YWHAE: variants seen among roughly 807,000 people sequenced by gnomAD.
YWHAE encodes the protein 14-3-3 protein epsilon.
In YWHAE, 4 loss-of-function variants were observed where a neutral mutation model predicts 30.1. That is an observed-to-expected ratio of 0.13 (90% CI 0.07 to 0.30). The LOEUF (loss-of-function observed/expected upper bound fraction) is 0.30, where lower values mean the gene tolerates loss of function less well. YWHAE is among the 10% of genes least tolerant of loss of function. The probability of loss-of-function intolerance (pLI) is 1.00; values close to 1 mark genes in which losing one functional copy is unlikely to be tolerated. For missense variants in YWHAE, 121 were observed against 315.9 expected, an observed-to-expected ratio of 0.38 and a Z score of 4.68; for synonymous variants, 118 against 111.8, an observed-to-expected ratio of 1.06 and a Z score of -0.35.
rs1252238889 is a variant in YWHAE, at chr17:1,382,182, G to A, written c.65-17124C>T. On this transcript the variant is annotated intron_variant, in intron 1 of 5. Coordinates refer to ENST00000264335, the MANE Select transcript of YWHAE (RefSeq NM_006761.5). ...TCCTGCCTCAGCCTCCCATGTAACT[G>A]GGACTTCAGGCGCCCACCACCATGC... is the stretch of plus-strand genomic sequence containing the variant. Among the ~76,000 whole-genome samples, 6 of 151,360 alleles carry A rather than the reference G, an allele frequency of 4.0e-5. No individual in the cohort carries two copies. The East Asian group carries it at 1.2e-3, about 29-fold the overall frequency.
intron 3 of YWHAE, 52 bp downstream of exon 3, chr17:1,361,850 C>T: frequency 7.8e-7 from 1 of 1,290,312 alleles, no homozygotes; most frequent in Non-Finnish European, 1.1e-6. Flanking sequence ...AGTTATGGTT[C>T]TAAAAGGACC....
chr17:1,399,001 G>T (rs755220669), intron 1 of YWHAE: 1 of 152,190 alleles, frequency 6.6e-6, no homozygotes, highest in Non-Finnish European at 1.5e-5. Flanking sequence ...ACGAAGTACA[G>T]ACCAGCATTC....
At chr17:1,379,614 G>T (rs973086549) in intron 1 of YWHAE, among the ~76,000 whole-genome samples, 2 of 152,222 alleles carry the variant, frequency 1.3e-5, no homozygotes, top group Non-Finnish European at 2.9e-5. Context: ...TCTGTAGCTT[G>T]AGGAGTCTTA....
chr17:1,390,434 C>G (rs1265372370), intron 1 of YWHAE, among the ~76,000 whole-genome samples: 1 of 152,184 alleles, frequency 6.6e-6, no homozygotes, highest in African/African-American at 2.4e-5. Flanking sequence ...AGGTTATCAT[C>G]TAATATGATC....
At chr17:1,359,230 G>A (rs1297389826) in intron 4 of YWHAE, among the ~76,000 whole-genome samples, 8 of 152,120 alleles carry the variant, frequency 5.3e-5, no homozygotes, top group South Asian at 2.1e-4. Context: ...TCAGGTAGGC[G>A]AATCGGCTGA....
chr17:1,384,866 C>T (rs1419721375), intron 1 of YWHAE, among the ~76,000 whole-genome samples: 1 of 152,018 alleles, frequency 6.6e-6, no homozygotes, highest in Non-Finnish European at 1.5e-5. Context: ...CGCCACGAAG[C>T]CTGGCTAATT....
rs778922436 is a variant in YWHAE at position 1,344,938 on chromosome 17, G to A, written c.*509C>T. 9.4e-5 allele frequency: 22 copies of A among 233,392 alleles called. No homozygotes were observed. The highest frequency in any genetic ancestry group is 1.4e-4 in the Non-Finnish European group (16 of 118,066). The allele number at this position is 233,392 out of a possible 1,614,324, so 14.5% of individuals were successfully genotyped here. ...TTTTTTACAGCAAAACCATTACAAC[G>A]AAGTCCCTCCCCAAACCACCTTTAA... On this transcript the variant is annotated 3_prime_UTR_variant, in exon 6 of 6. Coordinates refer to ENST00000264335, the MANE Select transcript of YWHAE (RefSeq NM_006761.5).
At chr17:1,354,664 T>G (rs1448371272) in intron 4 of YWHAE, among the ~76,000 whole-genome samples, 5 of 151,840 alleles carry the variant, frequency 3.3e-5, no homozygotes, top group Admixed American at 2.0e-4. Flanking sequence ...TTCAAAAAGT[T>G]TTGTTTGTTT....
chr17:1,398,342 C>CCG lies in YWHAE; in HGVS notation c.64+1704_64+1705insCG, dbSNP rs2073506976. ...TGTACTTCCCCATCTTATCCCCCCC[C>CCG]CCAACAGGAACCTTGTTGAATACAA... On this transcript the variant is annotated intron_variant, in intron 1 of 5. Transcript: ENST00000264335. 8.6e-5 allele frequency among the ~76,000 whole-genome samples: 3 copies of CCG among 34,752 alleles called. No homozygotes were observed. The Admixed American group carries it at 1.3e-3, about 15-fold the overall frequency. 22.8% of individuals were successfully genotyped at this position (34,752 alleles called of 152,430 possible).
chr17:1,358,580 C>T (rs2072800208), intron 4 of YWHAE, among the ~76,000 whole-genome samples: 1 of 151,328 alleles, frequency 6.6e-6, no homozygotes, highest in Admixed American at 6.6e-5. Context: ...TGGCTCATGC[C>T]TGTAATCCCA....
At chr17:1,396,574 C>T (rs983183816) in intron 1 of YWHAE, among the ~76,000 whole-genome samples, 1 of 152,208 alleles carries the variant, frequency 6.6e-6, no homozygotes, top group Non-Finnish European at 1.5e-5. Context: ...AACAGCCCCA[C>T]AAGCCCAAAT....
chr17:1,386,077 G>A (rs1704360785), intron 1 of YWHAE, among the ~76,000 whole-genome samples: 1 of 152,164 alleles, frequency 6.6e-6, no homozygotes, highest in Non-Finnish European at 1.5e-5. Flanking sequence ...CTCAAGTACT[G>A]GATCCTTATC....
chr17:1,386,387 A>C (rs2073300532), intron 1 of YWHAE, among the ~76,000 whole-genome samples: 1 of 152,208 alleles, frequency 6.6e-6, no homozygotes, highest in Admixed American at 6.5e-5. Context: ...CTCCGAAAGC[A>C]ATCATACATT....
chr17:1,355,521 T>C (rs910488325), intron 4 of YWHAE, among the ~76,000 whole-genome samples: 2 of 151,502 alleles, frequency 1.3e-5, no homozygotes, highest in African/African-American at 4.8e-5. Flanking sequence ...TTCACGTTAA[T>C]GGAGGCAGGG....
At chr17:1,394,838 G>A (rs559766943) in intron 1 of YWHAE, among the ~76,000 whole-genome samples, 194 of 151,522 alleles carry the variant, frequency 1.3e-3, no homozygotes, top group Non-Finnish European at 1.8e-3. Context: ...GCGATGGCGG[G>A]CGCCTGTAGT....
chr17:1,384,415 G>A (rs893639753), intron 1 of YWHAE, among the ~76,000 whole-genome samples: 1 of 151,474 alleles, frequency 6.6e-6, no homozygotes, highest in Non-Finnish European at 1.5e-5. Context: ...TGCTCGACCG[G>A]GCGCGGTGGC....
intron 5 of YWHAE, among the ~76,000 whole-genome samples, chr17:1,347,652 A>AT (rs2072549705): frequency 6.6e-6 from 1 of 152,228 alleles, no homozygotes; most frequent in Admixed American, 6.5e-5. Context: ...AGGAAACATG[A>AT]TAGGAACATT....
At chr17:1,396,343 G>C (rs535361429) in intron 1 of YWHAE, among the ~76,000 whole-genome samples, 1 of 152,244 alleles carries the variant, frequency 6.6e-6, no homozygotes, top group South Asian at 2.1e-4. Context: ...AGAATCGCTT[G>C]AACCCTGGAG....
At chr17:1,356,171 A>ACACACACACACACAC (rs2072737906) in intron 4 of YWHAE, among the ~76,000 whole-genome samples, 2 of 142,972 alleles carry the variant, frequency 1.4e-5, no homozygotes, top group African/African-American at 5.1e-5. Context: ...TCCGTCTAAA[A>ACACACACACACACAC]ACACACACAC....
Sources: allele counts gnomAD v4.1 joint callset (sites outside exome capture counted in the v4.1 genomes callset), GRCh38; gene constraint gnomAD v4.1.1; transcripts MANE v1.5; gene names NCBI Gene and HGNC (gene_info 2026-07-23, HGNC 2026-07-21).